BAHCC1: variants seen among roughly 807,000 people sequenced by gnomAD.
The protein encoded by BAHCC1 is BAH domain and coiled-coil containing 1.
A neutral mutation model predicts 88.2 loss-of-function variants in BAHCC1; 43 were observed. That is an observed-to-expected ratio of 0.49 (90% CI 0.38 to 0.63). The LOEUF is 0.63. Ranked by LOEUF, BAHCC1 falls within the 20% of genes least tolerant of loss-of-function variation. BAHCC1 has a pLI of 0.00. For missense variants in BAHCC1, 3,023 were observed against 1,654.8 expected, an observed-to-expected ratio of 1.83 and a Z score of -14.34; for synonymous variants, 1,510 against 745.5, an observed-to-expected ratio of 2.03 and a Z score of -16.71.
In BAHCC1 at chr17:81,411,674, C is replaced by T. The variant is rs2063956834; in HGVS notation, c.178+11757C>T. 1 of 337,830 alleles carries T rather than the reference C, an allele frequency of 3.0e-6. No individual in the cohort carries two copies. Among genetic ancestry groups the T allele is most frequent in the African/African-American group, 2.2e-5 (1 of 46,002 alleles). The allele number at this position is 337,830 out of a possible 1,614,324, so 20.9% of individuals were successfully genotyped here. ...GTTTGGGGCATTCCAGACCTGAGGC[C>T]CTCCAGGCAGCTCCCCTTCCACTCT... On this transcript the variant is annotated intron_variant, in intron 2 of 27. Transcript: ENST00000675386. The surrounding 1 kb of genome is among the most constrained non-coding windows in gnomAD (Gnocchi z 6.2).
Position 81,434,744 on chromosome 17 carries a change from T to TG in BAHCC1, c.359-3620dup, listed in dbSNP as rs1198800159. On this transcript the variant is annotated intron_variant, in intron 3 of 27. Transcript: ENST00000675386. The surrounding 1 kb of genome is among the most constrained non-coding windows in gnomAD (Gnocchi z 4.9). ...AGGGATGCTCCCTGGAAGGGCAGCC[T>TG]GGGGGGTGGGTTGTGGCCACCTCCC... is the stretch of plus-strand genomic sequence containing the variant. Among the ~76,000 whole-genome samples the TG allele has an allele frequency of 6.6e-6, 1 of 151,984 alleles. No individual in the cohort carries two copies. Among genetic ancestry groups the TG allele is most frequent in the Non-Finnish European group, 1.5e-5 (1 of 67,962 alleles).
chr17:81,400,005 C>CT, intron 2 of BAHCC1, 88 bp downstream of exon 2: 1 of 1,115,364 alleles, frequency 9.0e-7, no homozygotes, highest in Non-Finnish European at 1.1e-6. Flanking sequence ...AGCAGAGAAG[C>CT]TTTGGTTTCA....
Position 81,442,177 on chromosome 17 carries a change from C to A in BAHCC1, c.828C>A (p.Arg276=). The change falls in exon 5 of 28, where the codon CGC becomes CGA. Residue 276 remains arginine, a synonymous_variant. Coordinates refer to ENST00000675386, the MANE Select transcript of BAHCC1 (RefSeq NM_001377448.1). ...CACCCCGAGGGGCCTGCGAGGGCCG[C>A]CCCAAGCACCTCACCTCCTGCCTCC... ...GPAPRGACEG[R]PKHLTSCLLN... 1 of 655,698 alleles carries A rather than the reference C, an allele frequency of 1.5e-6. No homozygotes were observed. Among genetic ancestry groups the A allele is most frequent in the South Asian group, 1.7e-5 (1 of 58,132 alleles). The allele number at this position is 655,698 out of a possible 1,614,324, so 40.6% of individuals were successfully genotyped here. A position where few individuals can be genotyped will look rare whatever the true frequency, so the allele number is the denominator to read the frequency against.
rs569896868 is a variant in BAHCC1 at position 81,453,414 on chromosome 17, C to T, written c.4445+563C>T. ...CACGATTGGCGCGTGCGTGTGCGCA[C>T]TGCATCAATCCTGATGATTTGGTAA... On this transcript the variant is annotated intron_variant, in intron 14 of 27. Transcript: ENST00000675386. Among the ~76,000 whole-genome samples the T allele has an allele frequency of 2.6e-5, 4 of 152,386 alleles. No homozygotes were observed. In the South Asian group the frequency reaches 8.3e-4, roughly 32 times the overall value.
At chr17:81,409,367 C>G (rs372839749) in intron 2 of BAHCC1, among the ~76,000 whole-genome samples, 1 of 152,220 alleles carries the variant, frequency 6.6e-6, no homozygotes, top group Non-Finnish European at 1.5e-5. Flanking sequence ...TCCTGTCCCC[C>G]GAAGGCTGGA....
intron 3 of BAHCC1, among the ~76,000 whole-genome samples, chr17:81,436,652 G>C (rs2064341474): frequency 6.6e-6 from 1 of 151,968 alleles, no homozygotes; most frequent in Non-Finnish European, 1.5e-5. Flanking sequence ...TCCAGGATTG[G>C]AGTTTAATCT....
At chr17:81,437,162 G>A (rs1426042389) in intron 3 of BAHCC1, among the ~76,000 whole-genome samples, 1 of 152,106 alleles carries the variant, frequency 6.6e-6, no homozygotes, top group Non-Finnish European at 1.5e-5. Flanking sequence ...CCCCCGCCCT[G>A]CCCCGCCCAG....
intron 2 of BAHCC1, among the ~76,000 whole-genome samples, chr17:81,425,533 GGT>G (rs1555650283): frequency 8.7e-6 from 1 of 114,834 alleles, no homozygotes; most frequent in East Asian, 3.1e-4. Context: ...TGATGTGGTT[GGT>G]GTGATGTGGT....
chr17:81,421,445 C>T (rs2143357990), intron 2 of BAHCC1, among the ~76,000 whole-genome samples: 1 of 152,362 alleles, frequency 6.6e-6, no homozygotes, highest in East Asian at 1.9e-4. Context: ...AGGCGTGATG[C>T]TCTGTCCTGG....
Position 81,442,248 on chromosome 17 carries a change from C to A in BAHCC1, c.899C>A (p.Ala300Asp). The A allele has an allele frequency of 3.2e-6, 2 of 630,276 alleles. No individual in the cohort carries two copies. Among genetic ancestry groups the A allele is most frequent in the Admixed American group, 2.8e-5 (1 of 35,586 alleles). 39.0% of individuals were successfully genotyped at this position (630,276 alleles called of 1,614,324 possible). Residue 300 changes from alanine (A) to aspartate (D), a missense_variant, in exon 5 of 28, where the codon GCC becomes GAC. Ala to Asp is a moderately radical substitution (Grantham distance 126, BLOSUM62 -2). Transcript: ENST00000675386. Reference protein sequence around the residue: ...LNGEMGRAALASCAGGMLGRP... With the variant: ...LNGEMGRAALDSCAGGMLGRP... ...GGCGAGATGGGCAGGGCTGCGCTAG[C>A]CAGCTGTGCAGGGGGCATGCTGGGG...
chr17:81,399,316 G>C lies in BAHCC1; in HGVS notation c.-206-218G>C. 4.0e-6 allele frequency: 1 copy of C among 249,968 alleles called. No individual in the cohort carries two copies. Among genetic ancestry groups the C allele is most frequent in the South Asian group, 2.9e-5 (1 of 34,732 alleles). The allele number at this position is 249,968 out of a possible 1,614,324, so 15.5% of individuals were successfully genotyped here. A position where few individuals can be genotyped will look rare whatever the true frequency, so the allele number is the denominator to read the frequency against. On this transcript the variant is annotated intron_variant, in intron 1 of 27. Coordinates refer to ENST00000675386, the MANE Select transcript of BAHCC1 (RefSeq NM_001377448.1). The surrounding 1 kb of genome is among the most constrained non-coding windows in gnomAD (Gnocchi z 4.5). ...CGGCTGCCCCGGGCCAAGCGTGGCC[G>C]GGACGGTGCGTGCGCGCGCGGGGCC...
chr17:81,440,006 G>A (rs1375093211), intron 4 of BAHCC1, among the ~76,000 whole-genome samples: 2 of 152,156 alleles, frequency 1.3e-5, no homozygotes, highest in Non-Finnish European at 2.9e-5. Context: ...CCTTGGCCTT[G>A]CCCTTGTCAG....
At position 81,426,845 on chromosome 17, in the gene BAHCC1, G is replaced by A. The variant is rs2064205675; in HGVS notation, c.224G>A (p.Gly75Asp). ...AGTTCTCCGGCCTCCTCGTTCATGG[G>A]CAGTTTCCTCACCAGCAGCCTGGGC... Reference protein sequence around the residue: ...MGSSPASSFMGSFLTSSLGSA... With the variant: ...MGSSPASSFMDSFLTSSLGSA... The change falls in exon 3 of 28, where the codon GGC (glycine) becomes GAC (aspartate). Residue 75 changes from glycine to aspartate, a missense_variant. By Grantham distance (94) the Gly-to-Asp change is moderately conservative. Transcript: ENST00000675386. The A allele has an allele frequency of 1.0e-5, 4 of 399,438 alleles. No homozygotes were observed. The highest frequency in any genetic ancestry group is 4.4e-5 in the Admixed American group (1 of 22,724). 24.7% of individuals were successfully genotyped at this position (399,438 alleles called of 1,614,324 possible).
chr17:81,463,526 A>C (rs2030482930), intron 27 of BAHCC1, 85 bp from the exon 28 acceptor site: 4 of 749,168 alleles, frequency 5.3e-6, no homozygotes, highest in Non-Finnish European at 9.8e-6. Flanking sequence ...CTTACAGAGC[A>C]TGGGTGGGCG....
chr17:81,401,283 G>A (rs1041170425), intron 2 of BAHCC1: 1 of 152,698 alleles, frequency 6.5e-6, no homozygotes, highest in Non-Finnish European at 1.5e-5. Context: ...CCGCCCAGTG[G>A]AGGGGTCTCC....
chr17:81,398,493 G>A (rs1201105975), intron 1 of BAHCC1, among the ~76,000 whole-genome samples: 1 of 144,980 alleles, frequency 6.9e-6, no homozygotes, highest in African/African-American at 2.9e-5. Flanking sequence ...CAGGCCGCCC[G>A]GTACTGCCCG....
chr17:81,443,837 G>A lies in BAHCC1; in HGVS notation c.2244G>A (p.Ala748=), dbSNP rs1555653484. The change falls in exon 6 of 28, where the codon GCG becomes GCA. Residue 748 remains alanine, a synonymous_variant. Coordinates refer to ENST00000675386, the MANE Select transcript of BAHCC1 (RefSeq NM_001377448.1). The stretch of plus-strand genomic sequence containing the variant: ...GCGGTGGGCCCCGTTCCACACACGC[G>A]CTGGACCTGGAGGCTGAGGAGGAGA... ...KGGGGPRSTH[A]LDLEAEEERT... The A allele has an allele frequency of 1.3e-5, 9 of 713,148 alleles. No individual in the cohort carries two copies. The highest frequency in any genetic ancestry group is 2.3e-4 in the Middle Eastern group (1 of 4,388). 44.2% of individuals were successfully genotyped at this position (713,148 alleles called of 1,614,324 possible). A position where few individuals can be genotyped will look rare whatever the true frequency, so the allele number is the denominator to read the frequency against.
At chr17:81,400,051 T>C (rs2063794409) in intron 2 of BAHCC1, 134 bp downstream of exon 2, 2 of 817,252 alleles carry the variant, frequency 2.4e-6, no homozygotes, top group Non-Finnish European at 3.2e-6. Context: ...GCCTGGGCGC[T>C]GAGCGGGGCC....
chr17:81,398,939 A>G (rs2063774461), intron 1 of BAHCC1, among the ~76,000 whole-genome samples: 1 of 151,974 alleles, frequency 6.6e-6, no homozygotes, highest in Non-Finnish European at 1.5e-5. Flanking sequence ...TTATTAAAAA[A>G]AAAAAAAACT....
Sources: gnomAD v4.1 joint callset for allele counts (sites outside exome capture counted in the v4.1 genomes callset) on GRCh38, gnomAD v4.1.1 for gene constraint, Gnocchi (gnomAD v3.1) non-coding constraint, MANE v1.5 for transcripts, NCBI Gene and HGNC (gene_info 2026-07-23, HGNC 2026-07-21) for gene names.